The following FAM193A variants were observed in gnomAD, a reference collection of about 807,000 sequenced individuals.
FAM193A encodes family with sequence similarity 193 member A.
A neutral mutation model predicts 126.5 loss-of-function variants in FAM193A; 22 were observed. The ratio of observed to expected loss-of-function variants is 0.17; its 90% CI spans 0.12 to 0.25. The LOEUF is 0.25. Among genes scored for constraint, FAM193A ranks in the 10% least tolerant of loss-of-function variants. The pLI, the probability that FAM193A is intolerant of heterozygous loss-of-function variation, is 1.00. For synonymous variants in FAM193A, 761 were observed against 646.8 expected (o/e 1.18, Z -2.68); for missense variants, 1,675 against 1,672.8 (o/e 1.00, Z -0.02).
intron 1 of FAM193A, among the ~76,000 whole-genome samples, chr4:2,562,510 G>A (rs1357738285): frequency 6.6e-6 from 1 of 152,138 alleles, no homozygotes; most frequent in Admixed American, 6.6e-5. Flanking sequence ...AGAAACTCTA[G>A]GATGTAAGGA....
chr4:2,714,666 G>A (rs1467295049), intron 19 of FAM193A, among the ~76,000 whole-genome samples: 1 of 152,142 alleles, frequency 6.6e-6, no homozygotes, highest in East Asian at 1.9e-4. Flanking sequence ...GAAAGCACTT[G>A]CCTGGTGCTG....
intron 6 of FAM193A, 97 bp downstream of exon 6, chr4:2,639,956 G>C: frequency 2.5e-6 from 3 of 1,199,630 alleles, no homozygotes; most frequent in Non-Finnish European, 3.4e-6. Context: ...GAGTATGAAA[G>C]TTCTTGCAGG....
chr4:2,595,260 G>T (rs992983160), intron 1 of FAM193A, among the ~76,000 whole-genome samples: 1 of 152,184 alleles, frequency 6.6e-6, no homozygotes, highest in African/African-American at 2.4e-5. Flanking sequence ...TGTTACTGAG[G>T]CTGGTCTCAA....
At chr4:2,731,554 T>TCCGCCCACCCATTCCTCCTC (rs1721396584) in intron 20 of FAM193A, among the ~76,000 whole-genome samples, 1 of 152,002 alleles carries the variant, frequency 6.6e-6, no homozygotes, top group Non-Finnish European at 1.5e-5. Flanking sequence ...CAGGACTCCT[T>TCCGCCCACCCATTCCTCCTC]CCGCCCACCC....
intron 2 of FAM193A, among the ~76,000 whole-genome samples, chr4:2,605,970 CAAAAAAAAAA>C (rs1160026686): frequency 0.12 from 3,724 of 31,912 alleles, 157 homozygotes; most frequent in African/African-American, 0.25. Context: ...GACTCTGTCT[CAAAAAAAAAA>C]AAAAAAAAAA....
At chr4:2,645,359 C>T (rs892037139) in intron 6 of FAM193A, among the ~76,000 whole-genome samples, 1 of 152,100 alleles carries the variant, frequency 6.6e-6, no homozygotes, top group African/African-American at 2.4e-5. Flanking sequence ...CACCACTCCC[C>T]GTCCTCCTCC....
rs1741196265 is a variant in FAM193A, at chr4:2,601,521, C to T, written c.501+5192C>T. The stretch of plus-strand genomic sequence containing the variant: ...AAGTGCTGGGATTACAAGCCTGAGC[C>T]ACCATACCCGGCTACTTTTTTATTT... On this transcript the variant is annotated intron_variant, in intron 2 of 20. Transcript: ENST00000637812. 2.6e-5 allele frequency among the ~76,000 whole-genome samples: 4 copies of T among 152,114 alleles called. No homozygotes were observed. The South Asian group carries it at 8.3e-4, about 32-fold the overall frequency.
intron 1 of FAM193A, among the ~76,000 whole-genome samples, chr4:2,563,492 G>T (rs1738751108): frequency 6.6e-6 from 1 of 151,064 alleles, no homozygotes; most frequent in Non-Finnish European, 1.5e-5. Context: ...ATTGCTTGAG[G>T]TCGGGAGTTC....
intron 17 of FAM193A, among the ~76,000 whole-genome samples, chr4:2,696,067 C>G (rs55859546): frequency 0.016 from 2,212 of 138,508 alleles, 23 homozygotes; most frequent in Non-Finnish European, 0.026. Flanking sequence ...ATACATTAAT[C>G]AGGATTTGTA....
chr4:2,563,536 A>AG (rs1738756651), intron 1 of FAM193A, among the ~76,000 whole-genome samples: 1 of 149,522 alleles, frequency 6.7e-6, no homozygotes. Context: ...AAAAAAAAAC[A>AG]AAAAAAAAAA....
At chr4:2,560,490 G>A (rs746099276) in intron 1 of FAM193A, among the ~76,000 whole-genome samples, 1 of 152,204 alleles carries the variant, frequency 6.6e-6, no homozygotes, top group Non-Finnish European at 1.5e-5. Context: ...TGCTCAGGGA[G>A]CCAGGCCATT....
intron 1 of FAM193A, among the ~76,000 whole-genome samples, chr4:2,540,086 A>G (rs946742144): frequency 6.7e-6 from 1 of 148,962 alleles, no homozygotes; most frequent in Non-Finnish European, 1.5e-5. Flanking sequence ...CCATTGCACT[A>G]CTGCCTGGGC....
intron 1 of FAM193A, among the ~76,000 whole-genome samples, chr4:2,563,725 C>T (rs778752036): frequency 6.6e-6 from 1 of 152,184 alleles, no homozygotes; most frequent in Non-Finnish European, 1.5e-5. Flanking sequence ...TGGGAATCAA[C>T]CCTCAAAGAT....
intron 12 of FAM193A, among the ~76,000 whole-genome samples, chr4:2,664,896 A>C (rs1712933276): frequency 6.6e-6 from 1 of 152,090 alleles, no homozygotes; most frequent in South Asian, 2.1e-4. Context: ...TATGCTGCTC[A>C]AAGTTCTTTG....
intron 1 of FAM193A, among the ~76,000 whole-genome samples, chr4:2,551,002 A>G (rs901093268): frequency 1.3e-5 from 2 of 151,962 alleles, no homozygotes; most frequent in East Asian, 1.9e-4. Context: ...GGGTTTCACC[A>G]TGTTAGCCAG....
chr4:2,709,012 A>G (rs1389636556), intron 19 of FAM193A, among the ~76,000 whole-genome samples: 2 of 152,090 alleles, frequency 1.3e-5, no homozygotes, highest in African/African-American at 2.4e-5. Context: ...AGGTTTATAT[A>G]TTATAAGATA....
intron 1 of FAM193A, among the ~76,000 whole-genome samples, chr4:2,553,367 A>G (rs144181315): frequency 0.018 from 2,549 of 143,264 alleles, 57 homozygotes; most frequent in African/African-American, 0.052. Flanking sequence ...TAAAGTTCTA[A>G]TTTCCCTTCT....
intron 5 of FAM193A, among the ~76,000 whole-genome samples, chr4:2,632,837 C>T (rs1387001040): frequency 6.6e-6 from 1 of 152,118 alleles, no homozygotes; most frequent in African/African-American, 2.4e-5. Flanking sequence ...GCCTGCCCTT[C>T]AGAGGTTCAA....
intron 10 of FAM193A, among the ~76,000 whole-genome samples, chr4:2,662,078 GA>G (rs1356650394): frequency 6.6e-5 from 10 of 152,150 alleles, no homozygotes; most frequent in African/African-American, 2.4e-4. Context: ...AGCTACTCGG[GA>G]GGCTGAGGCA....
Sources: gnomAD v4.1 joint callset for allele counts (sites outside exome capture counted in the v4.1 genomes callset) on GRCh38, gnomAD v4.1.1 for gene constraint, MANE v1.5 for transcripts, NCBI Gene and HGNC (gene_info 2026-07-23, HGNC 2026-07-21) for gene names.